The following GLIS3 variants were observed in gnomAD, a reference collection of about 807,000 sequenced individuals.
GLIS3 encodes the protein zinc finger protein GLIS3.
In GLIS3, 53 loss-of-function variants were observed where a neutral mutation model predicts 78.6. The observed-to-expected ratio is 0.67, with a 90% CI of 0.54 to 0.85. The LOEUF (loss-of-function observed/expected upper bound fraction) is 0.85. GLIS3 is among the 40% of genes least tolerant of loss of function. GLIS3 has a pLI of 0.00. For synonymous variants in GLIS3, 684 were observed against 509.9 expected, an observed-to-expected ratio of 1.34 and a Z score of -4.60; for missense variants, 1,703 against 1,231.1, an observed-to-expected ratio of 1.38 and a Z score of -5.74.
chr9:4,019,719 A>ACTTTAT (rs536370593), intron 4 of GLIS3, among the ~76,000 whole-genome samples: 78 of 152,076 alleles, frequency 5.1e-4, no homozygotes, highest in Non-Finnish European at 9.4e-4. Flanking sequence ...GCCAGCTGCA[A>ACTTTAT]TTTTATTTTT....
chr9:4,309,403 G>T (rs1441344946), intron 3 of GLIS3, among the ~76,000 whole-genome samples: 1 of 152,158 alleles, frequency 6.6e-6, no homozygotes, highest in Non-Finnish European at 1.5e-5. Context: ...CTTAAGCAGT[G>T]GTTGGGGCGG....
intron 2 of GLIS3, among the ~76,000 whole-genome samples, chr9:4,159,088 G>C (rs1355911348): frequency 6.6e-6 from 1 of 150,506 alleles, no homozygotes; most frequent in African/African-American, 2.5e-5. Flanking sequence ...GGGAGAATGT[G>C]GTACCAGATA....
At chr9:4,200,043 T>A (rs780441150) in intron 2 of GLIS3, among the ~76,000 whole-genome samples, 3 of 152,142 alleles carry the variant, frequency 2.0e-5, no homozygotes, top group Admixed American at 6.6e-5. Context: ...ATTAACTTAC[T>A]TCAGAATGAC....
intron 2 of GLIS3, among the ~76,000 whole-genome samples, chr9:4,141,983 G>T (rs558473839): frequency 2.8e-4 from 43 of 152,270 alleles, no homozygotes; most frequent in African/African-American, 9.6e-4. Context: ...CGAAGTAAAT[G>T]TGACTTTCAT....
intron 2 of GLIS3, among the ~76,000 whole-genome samples, chr9:4,253,840 G>A (rs976035301): frequency 2.0e-5 from 3 of 152,158 alleles, no homozygotes; most frequent in Admixed American, 6.5e-5. Flanking sequence ...GTCCCTCATG[G>A]CTTCCCCTGG....
chr9:4,253,006 T>C (rs1013987012), intron 2 of GLIS3, among the ~76,000 whole-genome samples: 1 of 152,242 alleles, frequency 6.6e-6, no homozygotes, highest in Non-Finnish European at 1.5e-5. Flanking sequence ...GGGGGGCACC[T>C]GCCAGATGCC....
chr9:4,174,068 A>G (rs1199659086), intron 2 of GLIS3, among the ~76,000 whole-genome samples: 2 of 152,236 alleles, frequency 1.3e-5, no homozygotes, highest in Non-Finnish European at 2.9e-5. Context: ...TCTTTAGGAA[A>G]GTCTAGTTAA....
intron 2 of GLIS3, among the ~76,000 whole-genome samples, chr9:4,184,380 G>C (rs1378828949): frequency 6.6e-6 from 1 of 152,180 alleles, no homozygotes; most frequent in Admixed American, 6.6e-5. Context: ...ACCAAATAAA[G>C]AATATAACAA....
intron 2 of GLIS3, among the ~76,000 whole-genome samples, chr9:4,284,649 G>A (rs545019721): frequency 2.4e-4 from 37 of 151,814 alleles, no homozygotes; most frequent in African/African-American, 8.7e-4. Context: ...GGTGGCTCAC[G>A]CCTGTAACGC....
intron 4 of GLIS3, among the ~76,000 whole-genome samples, chr9:4,056,151 G>C (rs1588557708): frequency 6.6e-6 from 1 of 152,186 alleles, no homozygotes; most frequent in African/African-American, 2.4e-5. Context: ...TAGCGTATAA[G>C]AATGGCACCA....
chr9:4,045,569 C>A (rs996486997), intron 4 of GLIS3, among the ~76,000 whole-genome samples: 17 of 151,774 alleles, frequency 1.1e-4, no homozygotes, highest in African/African-American at 4.1e-4. Flanking sequence ...GAACTCCTGA[C>A]CTCGTGATCC....
intron 2 of GLIS3, among the ~76,000 whole-genome samples, chr9:4,159,333 G>A (rs1464911590): frequency 6.6e-6 from 1 of 152,182 alleles, no homozygotes; most frequent in Non-Finnish European, 1.5e-5. Flanking sequence ...TTTCAATACG[G>A]ATGATCATGT....
At chr9:3,905,233 G>A (rs778470255) in intron 6 of GLIS3, among the ~76,000 whole-genome samples, 31 of 142,710 alleles carry the variant, frequency 2.2e-4, no homozygotes, top group Non-Finnish European at 3.9e-4. Context: ...CTTGTGATCC[G>A]TCCGCCTCGG....
At chr9:4,454,004 A>G in the GLIS3 span, among the ~76,000 whole-genome samples, 3 of 151,442 alleles carry the variant, frequency 2.0e-5, no homozygotes, top group African/African-American at 4.9e-5. Context: ...AATAAAAATA[A>G]AAGAAAATAA....
At chr9:4,053,887 A>C (rs1360677869) in intron 4 of GLIS3, among the ~76,000 whole-genome samples, 4 of 152,054 alleles carry the variant, frequency 2.6e-5, no homozygotes, top group Admixed American at 6.6e-5. Context: ...AAACACGGCA[A>C]TCTGTTGTTT....
intron 4 of GLIS3, among the ~76,000 whole-genome samples, chr9:4,023,599 T>C (rs1305647106): frequency 6.6e-6 from 1 of 152,138 alleles, no homozygotes; most frequent in Non-Finnish European, 1.5e-5. Flanking sequence ...AGAGCGAGCA[T>C]TGCTTCTGAA....
At chr9:3,894,668 A>G (rs1261972356) in intron 7 of GLIS3, among the ~76,000 whole-genome samples, 1 of 152,118 alleles carries the variant, frequency 6.6e-6, no homozygotes, top group Non-Finnish European at 1.5e-5. Context: ...CCTGCTCCAA[A>G]AAAAGTATTT....
chr9:3,895,305 T>C (rs1822749578), intron 7 of GLIS3, among the ~76,000 whole-genome samples: 1 of 152,210 alleles, frequency 6.6e-6, no homozygotes, highest in East Asian at 1.9e-4. Context: ...TGGGGCATTA[T>C]TATATGGAAC....
intron 2 of GLIS3, among the ~76,000 whole-genome samples, chr9:4,126,672 A>C (rs1002992241): frequency 6.6e-6 from 1 of 152,252 alleles, no homozygotes; most frequent in African/African-American, 2.4e-5. Flanking sequence ...GGAAAAGTGA[A>C]AAGCAAAGAG....
Sources: gnomAD v4.1 joint callset for allele counts (sites outside exome capture counted in the v4.1 genomes callset) on GRCh38, gnomAD v4.1.1 for gene constraint, MANE v1.5 for transcripts, NCBI Gene and HGNC (gene_info 2026-07-23, HGNC 2026-07-21) for gene names.